PCDH15: variants seen among roughly 807,000 people sequenced by gnomAD.
PCDH15 encodes the protein protocadherin related 15.
In PCDH15, 129 loss-of-function variants were observed where a neutral mutation model predicts 178.5. The ratio of observed to expected loss-of-function variants is 0.72; its 90% CI spans 0.63 to 0.84. The LOEUF (loss-of-function observed/expected upper bound fraction) is 0.84, where lower values mean the gene tolerates loss of function less well. Among genes scored for constraint, PCDH15 ranks in the 40% least tolerant of loss-of-function variants. The probability of loss-of-function intolerance (pLI) is 0.00; values close to 1 mark genes in which losing one functional copy is unlikely to be tolerated. For synonymous variants in PCDH15, 800 were observed against 732.0 expected, an observed-to-expected ratio of 1.09 and a Z score of -1.50; for missense variants, 2,230 against 2,099.9, an observed-to-expected ratio of 1.06 and a Z score of -1.21.
chr10:54,430,052 T>G (rs1956781870), intron 3 of PCDH15, among the ~76,000 whole-genome samples: 1 of 97,452 alleles, frequency 1.0e-5, no homozygotes, highest in African/African-American at 4.7e-5. Flanking sequence ...TCTTCTCCTT[T>G]TTTTTTTTTT....
intron 1 of PCDH15, among the ~76,000 whole-genome samples, chr10:55,213,333 G>A (rs1326825467): frequency 1.3e-5 from 2 of 152,070 alleles, no homozygotes; most frequent in Non-Finnish European, 2.9e-5. Context: ...TACTTGGGAA[G>A]TTCTCCCCTT....
At position 54,421,822 on chromosome 10, in the gene PCDH15, A is replaced by ATATATATATATATACACACACAC. The variant is rs1439420479; in HGVS notation, c.158-42881_158-42880insGTGTGTGTGTATATATATATATA. Among the ~76,000 whole-genome samples, 289 of 75,446 alleles carry ATATATATATATATACACACACAC rather than the reference A, an allele frequency of 3.8e-3. 7 individuals are homozygous for ATATATATATATATACACACACAC. The highest frequency in any genetic ancestry group is 0.014 in the African/African-American group (250 of 17,370). 49.5% of individuals were successfully genotyped at this position (75,446 alleles called of 152,430 possible). On this transcript the variant is annotated intron_variant, in intron 3 of 37. Transcript: ENST00000644397. ...AGGTACATGTGTAGTGTGTGTATAT[A>ATATATATATATATACACACACAC]TATATATATATATATACACACACAC...
chr10:55,161,827 A>G (rs940823744), intron 2 of PCDH15, among the ~76,000 whole-genome samples: 3 of 152,120 alleles, frequency 2.0e-5, no homozygotes, highest in Non-Finnish European at 4.4e-5. Context: ...AAGAAAAAAC[A>G]ATTGTTAAAA....
At chr10:55,591,259 C>T (rs1359608464) in intron 2 of PCDH15, among the ~76,000 whole-genome samples, 3 of 151,764 alleles carry the variant, frequency 2.0e-5, no homozygotes, top group Non-Finnish European at 4.4e-5. Flanking sequence ...ATAGTAATAC[C>T]CCATCTCTAC....
intron 14 of PCDH15, among the ~76,000 whole-genome samples, chr10:54,137,629 G>A (rs2043014325): frequency 6.6e-6 from 1 of 152,058 alleles, no homozygotes; most frequent in African/African-American, 2.4e-5. Flanking sequence ...TTGCTTCCTA[G>A]CCCCTCCCTA....
chr10:54,685,758 C>T (rs1416491727), intron 1 of PCDH15, among the ~76,000 whole-genome samples: 1 of 152,134 alleles, frequency 6.6e-6, no homozygotes, highest in East Asian at 1.9e-4. Flanking sequence ...AGAACACTTG[C>T]ATTAGCTTAC....
intron 26 of PCDH15, among the ~76,000 whole-genome samples, chr10:53,869,992 A>G (rs1446383799): frequency 6.6e-6 from 1 of 152,174 alleles, no homozygotes; most frequent in African/African-American, 2.4e-5. Flanking sequence ...AAGCCCTTAT[A>G]TTTAAAATAA....
In PCDH15 at chr10:53,952,022, A is replaced by AACG. The variant is rs555721544; in HGVS notation, c.3122+7707_3122+7709dup. On this transcript the variant is annotated intron_variant, in intron 23 of 37. Coordinates refer to ENST00000644397, the MANE Select transcript of PCDH15 (RefSeq NM_001384140.1). Reference sequence around the variant, plus strand: ...AAGGCACCCATGTCTGGATGAGGAGAACGTGGTGGCACCCAGTAGATTGGA... The same window carrying AACG: ...AAGGCACCCATGTCTGGATGAGGAGAACGACGTGGTGGCACCCAGTAGATTGGA... 1.8e-3 allele frequency among the ~76,000 whole-genome samples: 273 copies of AACG among 152,292 alleles called. 2 individuals are homozygous for AACG. Among genetic ancestry groups the AACG allele is most frequent in the Admixed American group, 3.3e-3 (51 of 15,294 alleles).
At chr10:54,346,946 A>G (rs1943393176) in intron 5 of PCDH15, among the ~76,000 whole-genome samples, 1 of 152,236 alleles carries the variant, frequency 6.6e-6, no homozygotes. Context: ...GAGAAATTGG[A>G]GACAATGAAT....
intron 3 of PCDH15, among the ~76,000 whole-genome samples, chr10:54,419,472 T>A (rs1954937795): frequency 6.6e-6 from 1 of 152,092 alleles, no homozygotes; most frequent in Non-Finnish European, 1.5e-5. Flanking sequence ...TATTTCATTA[T>A]CTTAACTAGA....
intron 2 of PCDH15, among the ~76,000 whole-genome samples, chr10:55,427,613 C>T (rs182891899): frequency 2.6e-5 from 4 of 152,182 alleles, no homozygotes; most frequent in Admixed American, 6.5e-5. Flanking sequence ...TGCACATGAT[C>T]GAATGCATCT....
intron 2 of PCDH15, among the ~76,000 whole-genome samples, chr10:55,126,639 A>G (rs1259227695): frequency 6.6e-6 from 1 of 152,136 alleles, no homozygotes; most frequent in African/African-American, 2.4e-5. Context: ...AAAACAAAAA[A>G]AAGAAAAATT....
At chr10:54,696,090 C>A (rs1409147284) in intron 1 of PCDH15, among the ~76,000 whole-genome samples, 1 of 151,932 alleles carries the variant, frequency 6.6e-6, no homozygotes, top group African/African-American at 2.4e-5. Flanking sequence ...GGTAGCAATT[C>A]TTCTTATGTA....
At chr10:55,459,920 G>T (rs1839636263) in intron 2 of PCDH15, among the ~76,000 whole-genome samples, 2 of 152,124 alleles carry the variant, frequency 1.3e-5, no homozygotes, top group South Asian at 4.2e-4. Flanking sequence ...ATAATTGAAT[G>T]ATTACACTGG....
At chr10:55,285,346 T>G (rs146666345) in intron 1 of PCDH15, among the ~76,000 whole-genome samples, 1 of 151,416 alleles carries the variant, frequency 6.6e-6, no homozygotes, top group Admixed American at 6.6e-5. Flanking sequence ...TTTTTTAATA[T>G]ATATTTAAGA....
chr10:54,488,684 A>G (rs1286902646), intron 3 of PCDH15, among the ~76,000 whole-genome samples: 2 of 152,136 alleles, frequency 1.3e-5, no homozygotes, highest in East Asian at 3.9e-4. Context: ...AAATGAGAGC[A>G]GTTTTATCCT....
chr10:55,095,869 T>C (rs2132040228), intron 2 of PCDH15, among the ~76,000 whole-genome samples: 1 of 152,234 alleles, frequency 6.6e-6, no homozygotes, highest in South Asian at 2.1e-4. Flanking sequence ...TATATTTTTA[T>C]ACTCGCAAAA....
chr10:54,032,910 T>C (rs557311573), intron 18 of PCDH15, among the ~76,000 whole-genome samples: 1 of 151,662 alleles, frequency 6.6e-6, no homozygotes, highest in South Asian at 2.1e-4. Flanking sequence ...CAGAAAAGAG[T>C]GAAGAAGGAA....
intron 18 of PCDH15, among the ~76,000 whole-genome samples, chr10:54,058,246 C>T (rs1316167652): frequency 6.6e-6 from 1 of 152,094 alleles, no homozygotes; most frequent in African/African-American, 2.4e-5. Context: ...TACTGGTACC[C>T]ATTCACTGTA....
Sources: gnomAD v4.1 joint callset for allele counts (sites outside exome capture counted in the v4.1 genomes callset) on GRCh38, gnomAD v4.1.1 for gene constraint, MANE v1.5 for transcripts, NCBI Gene and HGNC (gene_info 2026-07-23, HGNC 2026-07-21) for gene names.